The following PDSS2 variants were observed in gnomAD, a reference collection of about 807,000 sequenced individuals.
The protein encoded by PDSS2 is all trans-polyprenyl-diphosphate synthase PDSS2.
A neutral mutation model predicts 44.5 loss-of-function variants in PDSS2; 31 were observed. The observed-to-expected ratio is 0.70, with a 90% confidence interval of 0.52 to 0.94. PDSS2 has a LOEUF of 0.94. Ranked by LOEUF, PDSS2 falls within the 40% of genes least tolerant of loss-of-function variation. The probability of loss-of-function intolerance (pLI) is 0.00; values close to 1 mark genes in which losing one functional copy is unlikely to be tolerated. For missense variants in PDSS2, 452 were observed against 482.2 expected (o/e 0.94, Z 0.59); for synonymous variants, 157 against 180.3 (o/e 0.87, Z 1.03).
intron 1 of PDSS2, among the ~76,000 whole-genome samples, chr6:107,362,374 C>T (rs1205011820): frequency 2.0e-5 from 3 of 152,216 alleles, no homozygotes; most frequent in Non-Finnish European, 4.4e-5. Flanking sequence ...TTCAGCGTAA[C>T]TTCTGACCAG....
intron 3 of PDSS2, among the ~76,000 whole-genome samples, chr6:107,260,648 T>C (rs12196273): frequency 0.063 from 9,262 of 148,166 alleles, 660 homozygotes; most frequent in African/African-American, 0.18. Context: ...TAAATCAGTC[T>C]TCCCCCTTCA....
chr6:107,401,703 C>T (rs1274365735), intron 1 of PDSS2, among the ~76,000 whole-genome samples: 6 of 152,138 alleles, frequency 3.9e-5, no homozygotes, highest in Non-Finnish European at 8.8e-5. Context: ...GAACAAGAAA[C>T]ACAACTTCTA....
intron 7 of PDSS2, among the ~76,000 whole-genome samples, chr6:107,155,306 C>T (rs1307692821): frequency 1.3e-5 from 2 of 152,110 alleles, no homozygotes; most frequent in East Asian, 1.9e-4. Context: ...CCACCACACC[C>T]ATCTAATTTT....
At chr6:107,367,808 A>C (rs1444450311) in intron 1 of PDSS2, among the ~76,000 whole-genome samples, 2 of 151,210 alleles carry the variant, frequency 1.3e-5, no homozygotes, top group Non-Finnish European at 2.9e-5. Flanking sequence ...GTCTCAAAAA[A>C]AAAAAAAAAA....
intron 2 of PDSS2, among the ~76,000 whole-genome samples, chr6:107,325,496 G>A (rs1777516216): frequency 2.0e-5 from 3 of 151,930 alleles, no homozygotes; most frequent in Non-Finnish European, 4.4e-5. Flanking sequence ...TTGAACAGAT[G>A]GCAAATTTTA....
intron 1 of PDSS2, among the ~76,000 whole-genome samples, chr6:107,399,934 T>C (rs1780057158): frequency 6.6e-6 from 1 of 152,108 alleles, no homozygotes; most frequent in Non-Finnish European, 1.5e-5. Context: ...CTGTGAACTT[T>C]TATACAAGAA....
intron 6 of PDSS2, among the ~76,000 whole-genome samples, chr6:107,203,868 T>C (rs1276801550): frequency 6.6e-6 from 1 of 152,110 alleles, no homozygotes; most frequent in Non-Finnish European, 1.5e-5. Context: ...TCTCTATGAT[T>C]TGTCTACTCT....
chr6:107,416,261 G>T (rs183329258), intron 1 of PDSS2, among the ~76,000 whole-genome samples: 1 of 152,108 alleles, frequency 6.6e-6, no homozygotes, highest in East Asian at 1.9e-4. Context: ...CAGCAGGCAC[G>T]ATGGGGACCC....
At chr6:107,439,059 T>C (rs1781439324) in intron 1 of PDSS2, among the ~76,000 whole-genome samples, 1 of 152,138 alleles carries the variant, frequency 6.6e-6, no homozygotes, top group Admixed American at 6.5e-5. Context: ...CTAAAATTTA[T>C]AAAGGAATAG....
intron 1 of PDSS2, among the ~76,000 whole-genome samples, chr6:107,336,005 CGGGGTGGGGGGGGTGG>C (rs972864039): frequency 4.2e-5 from 2 of 47,470 alleles, no homozygotes; most frequent in Non-Finnish European, 8.3e-5. Context: ...GGCTCATGCC[CGGGGTGGGGGGGGTGG>C]GGGGTGGGGC....
intron 1 of PDSS2, among the ~76,000 whole-genome samples, chr6:107,348,664 C>T (rs974029282): frequency 2.6e-5 from 4 of 152,172 alleles, no homozygotes; most frequent in Non-Finnish European, 4.4e-5. Context: ...TGTTTCTAAA[C>T]TGAAATGTTT....
At chr6:107,344,743 A>C (rs1407898250) in intron 1 of PDSS2, among the ~76,000 whole-genome samples, 1 of 152,302 alleles carries the variant, frequency 6.6e-6, no homozygotes, top group South Asian at 2.1e-4. Flanking sequence ...ACTGACCACT[A>C]GTTGTATACT....
At chr6:107,214,257 C>T (rs1773333269) in intron 4 of PDSS2, among the ~76,000 whole-genome samples, 1 of 152,084 alleles carries the variant, frequency 6.6e-6, no homozygotes, top group Admixed American at 6.5e-5. Context: ...GCGCCCGCCA[C>T]CACGCCCAGC....
intron 1 of PDSS2, among the ~76,000 whole-genome samples, chr6:107,383,842 A>C (rs1779526391): frequency 6.6e-6 from 1 of 152,240 alleles, no homozygotes; most frequent in Non-Finnish European, 1.5e-5. Context: ...GGATTTTAAA[A>C]TCATACAGCC....
chr6:107,293,940 G>A (rs1054871006), intron 2 of PDSS2, among the ~76,000 whole-genome samples: 4 of 152,140 alleles, frequency 2.6e-5, no homozygotes, highest in African/African-American at 9.7e-5. Context: ...AACGCCAACT[G>A]CCAGGCATTG....
intron 1 of PDSS2, among the ~76,000 whole-genome samples, chr6:107,441,560 G>A (rs1426959075): frequency 6.6e-6 from 1 of 152,154 alleles, no homozygotes; most frequent in Non-Finnish European, 1.5e-5. Flanking sequence ...TTAGAAGACT[G>A]AACACAACTC....
rs751591917 is a variant in PDSS2 at position 107,294,436 on chromosome 6, A to G, written c.432-20209T>C. On this transcript the variant is annotated intron_variant, in intron 2 of 7. Transcript: ENST00000369037. The stretch of plus-strand genomic sequence containing the variant: ...ATTAAAAAAAATTTTTTTTAGAGAC[A>G]GGGTCTTTCTATATTGTCCAGGCTG... Among the ~76,000 whole-genome samples, 15 of 151,974 alleles carry G rather than the reference A, an allele frequency of 9.9e-5. 1 individual carries two copies. The highest frequency in any genetic ancestry group is 2.2e-4 in the Non-Finnish European group (15 of 67,984).
At chr6:107,230,732 G>C (rs951594788) in intron 4 of PDSS2, among the ~76,000 whole-genome samples, 5 of 151,944 alleles carry the variant, frequency 3.3e-5, no homozygotes, top group African/African-American at 1.2e-4. Context: ...ACTGGTCAAA[G>C]CAAGTGAGCC....
intron 2 of PDSS2, among the ~76,000 whole-genome samples, chr6:107,284,544 C>G (rs1776077464): frequency 6.6e-6 from 1 of 151,848 alleles, no homozygotes; most frequent in Non-Finnish European, 1.5e-5. Flanking sequence ...GCCTGTAATC[C>G]CAGCTACTCA....
Sources: gnomAD v4.1 joint callset for allele counts (sites outside exome capture counted in the v4.1 genomes callset) on GRCh38, gnomAD v4.1.1 for gene constraint, MANE v1.5 for transcripts, NCBI Gene and HGNC (gene_info 2026-07-23, HGNC 2026-07-21) for gene names.